The following CSGALNACT1 variants were observed in gnomAD, a reference collection of about 807,000 sequenced individuals.
CSGALNACT1 encodes chondroitin sulfate N-acetylgalactosaminyltransferase 1.
Under a neutral mutation model 51.0 loss-of-function variants are expected in CSGALNACT1, and 52 were observed. The ratio of observed to expected loss-of-function variants is 1.02; its 90% CI spans 0.82 to 1.29. The LOEUF (loss-of-function observed/expected upper bound fraction) is 1.29, where lower values mean the gene tolerates loss of function less well. Among genes scored for constraint, CSGALNACT1 ranks in the 50% most tolerant of loss-of-function variants. The pLI is 0.00. For missense variants in CSGALNACT1, 935 were observed against 679.2 expected, an observed-to-expected ratio of 1.38 and a Z score of -4.19; for synonymous variants, 341 against 254.4, an observed-to-expected ratio of 1.34 and a Z score of -3.24.
intron 1 of CSGALNACT1, among the ~76,000 whole-genome samples, chr8:19,710,268 G>C (rs942596284): frequency 6.6e-6 from 1 of 152,206 alleles, no homozygotes; most frequent in Non-Finnish European, 1.5e-5. Context: ...GGAGTGAATA[G>C]GGTCTATAAT....
chr8:19,480,827 A>G (rs2071165591), intron 4 of CSGALNACT1, among the ~76,000 whole-genome samples: 2 of 152,152 alleles, frequency 1.3e-5, no homozygotes, highest in Admixed American at 6.5e-5. Flanking sequence ...AAGCCACACC[A>G]ACAACACTGG....
At chr8:19,526,480 G>C (rs183530128) in intron 3 of CSGALNACT1, among the ~76,000 whole-genome samples, 1 of 152,124 alleles carries the variant, frequency 6.6e-6, no homozygotes, top group Non-Finnish European at 1.5e-5. Flanking sequence ...CTACTCGGGA[G>C]ACCGAGGCAG....
intron 3 of CSGALNACT1, among the ~76,000 whole-genome samples, chr8:19,584,511 G>A (rs2046233487): frequency 6.6e-6 from 1 of 152,192 alleles, no homozygotes; most frequent in African/African-American, 2.4e-5. Flanking sequence ...ATTACATGGT[G>A]ATATCCTATT....
intron 3 of CSGALNACT1, among the ~76,000 whole-genome samples, chr8:19,544,010 C>T (rs1174267563): frequency 2.6e-5 from 4 of 152,100 alleles, no homozygotes; most frequent in Non-Finnish European, 5.9e-5. Flanking sequence ...ACTTGTTCTT[C>T]CCTCACGAAA....
At chr8:19,436,403 C>T (rs1457131717) in intron 6 of CSGALNACT1, among the ~76,000 whole-genome samples, 1 of 152,084 alleles carries the variant, frequency 6.6e-6, no homozygotes, top group Non-Finnish European at 1.5e-5. Flanking sequence ...GGGATCACAG[C>T]CTGAGTAACG....
intron 4 of CSGALNACT1, 144 bp downstream of exon 3, chr8:19,505,057 G>T: frequency 1.2e-6 from 1 of 811,596 alleles, no homozygotes; most frequent in Non-Finnish European, 2.1e-6. Context: ...AAGCCATGCC[G>T]TACCTTTTGG....
intron 5 of CSGALNACT1, among the ~76,000 whole-genome samples, chr8:19,453,061 A>C (rs1295018149): frequency 6.6e-6 from 1 of 152,220 alleles, no homozygotes; most frequent in African/African-American, 2.4e-5. Flanking sequence ...CGTAATGAGA[A>C]AAGATAAAAA....
intron 7 of CSGALNACT1, among the ~76,000 whole-genome samples, chr8:19,419,796 C>G (rs575912214): frequency 6.6e-6 from 1 of 152,090 alleles, no homozygotes; most frequent in Non-Finnish European, 1.5e-5. Context: ...GCTGACAGGC[C>G]CATGATGTGG....
chr8:19,736,686 GA>G (rs897753782), intron 1 of CSGALNACT1, among the ~76,000 whole-genome samples: 3 of 152,022 alleles, frequency 2.0e-5, no homozygotes, highest in African/African-American at 7.2e-5. Context: ...TTGTAAAACA[GA>G]AAATAGAGCT....
At chr8:19,468,887 A>G (rs150615884) in intron 4 of CSGALNACT1, among the ~76,000 whole-genome samples, 3 of 152,284 alleles carry the variant, frequency 2.0e-5, no homozygotes, top group South Asian at 2.1e-4. Flanking sequence ...GAGTCTGTAG[A>G]TTAAGAAGAA....
At chr8:19,586,465 C>G (rs928548494) in intron 3 of CSGALNACT1, among the ~76,000 whole-genome samples, 2 of 151,644 alleles carry the variant, frequency 1.3e-5, no homozygotes, top group African/African-American at 4.8e-5. Flanking sequence ...TGTAGTGATT[C>G]TCAACCTCTA....
intron 1 of CSGALNACT1, among the ~76,000 whole-genome samples, chr8:19,672,829 C>G (rs1363498564): frequency 6.6e-6 from 1 of 152,082 alleles, no homozygotes; most frequent in Admixed American, 6.6e-5. Flanking sequence ...AAATACTGCA[C>G]TCAAAAAATA....
At chr8:19,521,047 C>G (rs143595128) in intron 3 of CSGALNACT1, among the ~76,000 whole-genome samples, 1 of 152,092 alleles carries the variant, frequency 6.6e-6, no homozygotes, top group East Asian at 1.9e-4. Context: ...CGTCCTGGAG[C>G]GTAAGGGCAA....
At chr8:19,618,147 A>G (rs1253182021) in intron 1 of CSGALNACT1, among the ~76,000 whole-genome samples, 1 of 151,880 alleles carries the variant, frequency 6.6e-6, no homozygotes, top group Non-Finnish European at 1.5e-5. Flanking sequence ...CCGACAAAGC[A>G]CTGTGATTAC....
At chr8:19,619,120 G>A (rs143356696) in intron 1 of CSGALNACT1, among the ~76,000 whole-genome samples, 1 of 152,068 alleles carries the variant, frequency 6.6e-6, no homozygotes, top group African/African-American at 2.4e-5. Flanking sequence ...GGGCACTACA[G>A]AGGAGCAAAG....
At chr8:19,689,095 C>G (rs972973245) in intron 1 of CSGALNACT1, among the ~76,000 whole-genome samples, 1 of 152,160 alleles carries the variant, frequency 6.6e-6, no homozygotes, top group African/African-American at 2.4e-5. Flanking sequence ...CTTTGATTCT[C>G]CTCTTAATCC....
chr8:19,713,490 T>C (rs1328931156), intron 1 of CSGALNACT1, among the ~76,000 whole-genome samples: 2 of 152,152 alleles, frequency 1.3e-5, no homozygotes, highest in Admixed American at 1.3e-4. Flanking sequence ...TGCATCCTTT[T>C]TTGGAAATAA....
chr8:19,685,778 A>G (rs1414811545), upstream of CSGALNACT1, among the ~76,000 whole-genome samples: 1 of 152,168 alleles, frequency 6.6e-6, no homozygotes, highest in Non-Finnish European at 1.5e-5. Flanking sequence ...AAGGAAGCGC[A>G]TTTTGCCACC....
intron 1 of CSGALNACT1, among the ~76,000 whole-genome samples, chr8:19,631,667 T>C (rs576695486): frequency 6.6e-6 from 1 of 152,234 alleles, no homozygotes. Context: ...CCTTCACTAA[T>C]ATGCCAAAAT....
Sources: gnomAD v4.1 joint callset for allele counts (sites outside exome capture counted in the v4.1 genomes callset) on GRCh38, gnomAD v4.1.1 for gene constraint, MANE v1.5 for transcripts, NCBI Gene and HGNC (gene_info 2026-07-23, HGNC 2026-07-21) for gene names.